PTPRD: variants seen among roughly 807,000 people sequenced by gnomAD.
The protein encoded by PTPRD is receptor-type tyrosine-protein phosphatase delta.
A neutral mutation model predicts 214.5 loss-of-function variants in PTPRD; 34 were observed. The ratio of observed to expected loss-of-function variants is 0.16; its 90% CI spans 0.12 to 0.21. The LOEUF (loss-of-function observed/expected upper bound fraction) is 0.21. PTPRD is among the 10% of genes least tolerant of loss of function. PTPRD has a pLI of 1.00. For synonymous variants in PTPRD, 1,128 were observed against 845.7 expected (o/e 1.33, Z -5.79); for missense variants, 2,545 against 2,398.7 (o/e 1.06, Z -1.27).
intron 9 of PTPRD, among the ~76,000 whole-genome samples, chr9:9,324,108 G>C (rs902963521): frequency 2.6e-5 from 4 of 152,136 alleles, no homozygotes; most frequent in Admixed American, 2.6e-4. Flanking sequence ...ATTTGGGTTG[G>C]TTCCAAGTCT....
At chr9:10,480,697 C>A (rs1330730594) in intron 2 of PTPRD, among the ~76,000 whole-genome samples, 1 of 151,804 alleles carries the variant, frequency 6.6e-6, no homozygotes, top group African/African-American at 2.4e-5. Flanking sequence ...AATGTGAACT[C>A]TCAGGAAACA....
chr9:8,774,385 A>G (rs1340296091), intron 11 of PTPRD, among the ~76,000 whole-genome samples: 1 of 152,184 alleles, frequency 6.6e-6, no homozygotes, highest in Non-Finnish European at 1.5e-5. Context: ...GAAAGGGAGA[A>G]GATTAGAGAT....
intron 7 of PTPRD, among the ~76,000 whole-genome samples, chr9:9,726,898 A>G (rs1228511487): frequency 1.3e-5 from 2 of 152,198 alleles, no homozygotes; most frequent in South Asian, 2.1e-4. Context: ...TTGTTAAATA[A>G]TAAGTACAGT....
At chr9:8,763,469 C>T (rs546637212) in intron 11 of PTPRD, among the ~76,000 whole-genome samples, 67 of 151,978 alleles carry the variant, frequency 4.4e-4, no homozygotes, top group Admixed American at 7.9e-4. Flanking sequence ...GCCAAGATCA[C>T]GCCACTGCAC....
At chr9:9,739,278 C>A (rs1285541333) in intron 6 of PTPRD, among the ~76,000 whole-genome samples, 1 of 152,160 alleles carries the variant, frequency 6.6e-6, no homozygotes, top group Non-Finnish European at 1.5e-5. Flanking sequence ...ACCACTGCTA[C>A]TAAGTGTGAT....
At chr9:9,864,800 C>A (rs942104533) in intron 5 of PTPRD, among the ~76,000 whole-genome samples, 3 of 152,140 alleles carry the variant, frequency 2.0e-5, no homozygotes, top group African/African-American at 4.8e-5. Flanking sequence ...AGACATGAAC[C>A]ACCAGCCCCA....
At chr9:9,958,107 A>G (rs2094084909) in intron 4 of PTPRD, among the ~76,000 whole-genome samples, 1 of 152,216 alleles carries the variant, frequency 6.6e-6, no homozygotes, top group African/African-American at 2.4e-5. Flanking sequence ...TAAATATTAA[A>G]TCAACTCAAA....
intron 5 of PTPRD, among the ~76,000 whole-genome samples, chr9:9,920,660 C>T (rs1358667059): frequency 6.6e-6 from 1 of 152,110 alleles, no homozygotes; most frequent in South Asian, 2.1e-4. Flanking sequence ...TGCTCAGGTT[C>T]CAGGGGATTT....
At chr9:10,035,914 C>A (rs569020225) in intron 3 of PTPRD, among the ~76,000 whole-genome samples, 3 of 150,968 alleles carry the variant, frequency 2.0e-5, no homozygotes, top group Non-Finnish European at 2.9e-5. Flanking sequence ...GTTCAGGAAG[C>A]GGAAATCTAT....
intron 7 of PTPRD, among the ~76,000 whole-genome samples, chr9:9,597,767 G>A (rs2093464593): frequency 6.6e-6 from 1 of 151,926 alleles, no homozygotes; most frequent in Non-Finnish European, 1.5e-5. Context: ...AGAAATAAAG[G>A]TAACAGATAC....
chr9:8,382,710 C>A (rs1167935547), intron 37 of PTPRD, among the ~76,000 whole-genome samples: 1 of 152,168 alleles, frequency 6.6e-6, no homozygotes, highest in East Asian at 1.9e-4. Context: ...CTTTTTGTTG[C>A]CAGCGTCCTA....
chr9:9,006,652 T>C (rs2099470178), intron 11 of PTPRD, among the ~76,000 whole-genome samples: 2 of 152,056 alleles, frequency 1.3e-5, no homozygotes, highest in Admixed American at 6.6e-5. Flanking sequence ...CCTGCTGGTC[T>C]AACCATAATT....
At chr9:9,604,374 G>T (rs1438587568) in intron 7 of PTPRD, among the ~76,000 whole-genome samples, 5 of 152,032 alleles carry the variant, frequency 3.3e-5, no homozygotes, top group South Asian at 2.1e-4. Context: ...CATATTTTGT[G>T]AGGGAAATAT....
chr9:9,932,123 G>T (rs1277793177), intron 5 of PTPRD, among the ~76,000 whole-genome samples: 8 of 148,502 alleles, frequency 5.4e-5, no homozygotes, highest in Admixed American at 2.6e-4. Flanking sequence ...CACAAAGATG[G>T]GGAAAAAACA....
intron 3 of PTPRD, among the ~76,000 whole-genome samples, chr9:10,153,210 T>C (rs1255268347): frequency 6.6e-6 from 1 of 152,140 alleles, no homozygotes; most frequent in Non-Finnish European, 1.5e-5. Context: ...GATAGATATG[T>C]TAATTTGATT....
intron 9 of PTPRD, among the ~76,000 whole-genome samples, chr9:9,371,807 G>A (rs887379885): frequency 1.3e-5 from 2 of 152,064 alleles, no homozygotes; most frequent in Admixed American, 6.6e-5. Flanking sequence ...ATTCTGGTAT[G>A]TTGTGTCTTT....
chr9:9,135,011 G>T (rs1414813894), intron 10 of PTPRD, among the ~76,000 whole-genome samples: 1 of 152,120 alleles, frequency 6.6e-6, no homozygotes, highest in Non-Finnish European at 1.5e-5. Context: ...CACAGTCATG[G>T]ACTCATATGC....
chr9:9,829,602 C>G (rs1359703188), intron 5 of PTPRD, among the ~76,000 whole-genome samples: 1 of 151,794 alleles, frequency 6.6e-6, no homozygotes, highest in Non-Finnish European at 1.5e-5. Context: ...CAGTTAGCCA[C>G]AAAATCAATG....
At chr9:9,536,837 G>T (rs1346921073) in intron 8 of PTPRD, among the ~76,000 whole-genome samples, 1 of 151,924 alleles carries the variant, frequency 6.6e-6, no homozygotes, top group African/African-American at 2.4e-5. Flanking sequence ...CCCAGCACTC[G>T]TTTTCAATTA....
Sources: allele counts gnomAD v4.1 joint callset (sites outside exome capture counted in the v4.1 genomes callset), GRCh38; gene constraint gnomAD v4.1.1; transcripts MANE v1.5; gene names NCBI Gene and HGNC (gene_info 2026-07-23, HGNC 2026-07-21).